The following ITGBL1 variants were observed in gnomAD, a reference collection of about 807,000 sequenced individuals.
ITGBL1 encodes integrin subunit beta like 1.
Under a neutral mutation model 68.5 loss-of-function variants are expected in ITGBL1, and 51 were observed. The observed-to-expected ratio is 0.74, with a 90% CI of 0.59 to 0.94. The LOEUF (loss-of-function observed/expected upper bound fraction) is 0.94. ITGBL1 is among the 40% of genes least tolerant of loss of function. ITGBL1 has a pLI of 0.00. For missense variants in ITGBL1, 649 were observed against 647.4 expected, an observed-to-expected ratio of 1.00 and a Z score of -0.03; for synonymous variants, 209 against 227.3, an observed-to-expected ratio of 0.92 and a Z score of 0.72.
chr13:101,496,616 A>G (rs1158802730), intron 2 of ITGBL1, among the ~76,000 whole-genome samples: 1 of 152,152 alleles, frequency 6.6e-6, no homozygotes, highest in Non-Finnish European at 1.5e-5. Flanking sequence ...ATCAGTATCA[A>G]TGGCCTTTGA....
intron 7 of ITGBL1, among the ~76,000 whole-genome samples, chr13:101,650,995 G>A (rs1415540926): frequency 6.6e-6 from 1 of 152,050 alleles, no homozygotes; most frequent in African/African-American, 2.4e-5. Context: ...TCCTTTTTAT[G>A]GCTGCATAGT....
intron 7 of ITGBL1, among the ~76,000 whole-genome samples, chr13:101,628,599 A>ATTTTTTTTTTT (rs34600896): frequency 7.1e-6 from 1 of 140,702 alleles, no homozygotes; most frequent in Non-Finnish European, 1.5e-5. Context: ...TACCCAGCTA[A>ATTTTTTTTTTT]TTTTTTTTTT....
intron 7 of ITGBL1, among the ~76,000 whole-genome samples, chr13:101,663,222 A>G (rs925965383): frequency 2.6e-5 from 4 of 152,218 alleles, no homozygotes; most frequent in Non-Finnish European, 5.9e-5. Context: ...AAATAATACC[A>G]TGATAGATGC....
At chr13:101,583,109 G>T in intron 5 of ITGBL1, 107 bp from the exon 6 acceptor site, 2 of 1,154,730 alleles carry the variant, frequency 1.7e-6, no homozygotes, top group South Asian at 1.3e-5. Flanking sequence ...GAATATATGT[G>T]TTTTTTTCAA....
At chr13:101,622,905 T>G (rs1472163211) in intron 7 of ITGBL1, among the ~76,000 whole-genome samples, 2 of 122,534 alleles carry the variant, frequency 1.6e-5, no homozygotes, top group African/African-American at 3.2e-5. Context: ...GATGTGTGTG[T>G]GGGGTATGTA....
intron 2 of ITGBL1, chr13:101,490,046 C>T (rs894516724): frequency 2.6e-5 from 30 of 1,159,256 alleles, no homozygotes; most frequent in Non-Finnish European, 3.5e-5. Context: ...TTGTTATGGA[C>T]TGAATATTTG....
chr13:101,562,730 C>G (rs891517704), intron 2 of ITGBL1, among the ~76,000 whole-genome samples: 8 of 151,898 alleles, frequency 5.3e-5, no homozygotes, highest in African/African-American at 1.9e-4. Flanking sequence ...TGTCAATACT[C>G]CTTTCTCATA....
At chr13:101,458,929 A>G (rs1488192652) in intron 2 of ITGBL1, among the ~76,000 whole-genome samples, 2 of 152,210 alleles carry the variant, frequency 1.3e-5, no homozygotes, top group Admixed American at 1.3e-4. Context: ...GAGAGGCAAT[A>G]AGAACAGAAT....
chr13:101,473,801 G>T (rs1594831252), intron 2 of ITGBL1, among the ~76,000 whole-genome samples: 1 of 152,170 alleles, frequency 6.6e-6, no homozygotes, highest in Admixed American at 6.5e-5. Context: ...CAATAAAATA[G>T]TGTACCAGAG....
chr13:101,567,982 A>G, intron 3 of ITGBL1, 137 bp downstream of exon 3: 1 of 687,292 alleles, frequency 1.5e-6, no homozygotes, highest in South Asian at 2.1e-5. Flanking sequence ...TGAAATTCAG[A>G]TAAATCAATA....
At chr13:101,656,076 T>A (rs1297901958) in intron 7 of ITGBL1, among the ~76,000 whole-genome samples, 2 of 152,164 alleles carry the variant, frequency 1.3e-5, no homozygotes, top group African/African-American at 4.8e-5. Context: ...GCTTCCTCGC[T>A]AAAGGTAAAT....
chr13:101,614,128 C>T (rs1188946944), intron 7 of ITGBL1, among the ~76,000 whole-genome samples: 1 of 152,044 alleles, frequency 6.6e-6, no homozygotes, highest in Non-Finnish European at 1.5e-5. Context: ...CCACCTTAGG[C>T]ACGTTTGAAT....
chr13:101,696,096 T>A (rs2033996262), intron 8 of ITGBL1, among the ~76,000 whole-genome samples: 1 of 145,526 alleles, frequency 6.9e-6, no homozygotes, highest in South Asian at 2.2e-4. Context: ...GCATATGGGC[T>A]GTGTTATCCC....
intron 2 of ITGBL1, among the ~76,000 whole-genome samples, chr13:101,520,062 C>G (rs1212573412): frequency 6.6e-6 from 1 of 152,086 alleles, no homozygotes; most frequent in Non-Finnish European, 1.5e-5. Context: ...CCTTGTGTTA[C>G]TAGTAATAAA....
intron 2 of ITGBL1, among the ~76,000 whole-genome samples, chr13:101,487,105 C>T (rs1017343047): frequency 6.6e-6 from 1 of 152,120 alleles, no homozygotes; most frequent in Non-Finnish European, 1.5e-5. Context: ...TCATTTGTTA[C>T]TATATCTTTG....
At position 101,583,244 on chromosome 13, in the gene ITGBL1, T is replaced by C. The variant is rs1287088161; in HGVS notation, c.756T>C (p.Cys252=). The part of the protein sequence containing the change: ...RGTCVCGECT[C]HDVDPTGDWG... ...CTTGTGTATGTGGTGAATGTACCTG[T>C]CACGATGTTGATCCGACTGGGGACT... Residue 252 remains cysteine, a synonymous_variant, in exon 6 of 11, where the codon TGT becomes TGC. Coordinates refer to ENST00000376180, the MANE Select transcript of ITGBL1 (RefSeq NM_004791.3). 6.2e-7 allele frequency: 1 copy of C among 1,613,886 alleles called. No homozygotes were observed. The highest frequency in any genetic ancestry group is 1.7e-5 in the Admixed American group (1 of 59,992).
chr13:101,714,304 C>T, intron 9 of ITGBL1, 134 bp from the exon 10 acceptor site: 1 of 661,204 alleles, frequency 1.5e-6, no homozygotes, highest in Middle Eastern at 4.1e-4. Context: ...TCTGAGAAAC[C>T]AGCCATTCAA....
rs368216574 is a variant in ITGBL1 at position 101,481,437 on chromosome 13, A to AT, written c.316+27339dup. ...AGAATGATGCTAGGCACATTGTGAT[A>AT]TTATAGAACTGACAGGAATTGGAGA... On this transcript the variant is annotated intron_variant, in intron 2 of 10. Coordinates refer to ENST00000376180, the MANE Select transcript of ITGBL1 (RefSeq NM_004791.3). Among the ~76,000 whole-genome samples, 643 of 152,200 alleles carry AT rather than the reference A, an allele frequency of 4.2e-3. 2 individuals are homozygous for AT. Among genetic ancestry groups the AT allele is most frequent in the Middle Eastern group, 0.014 (4 of 294 alleles).
Position 101,598,300 on chromosome 13 carries a change from G to T in ITGBL1, c.1015+1G>T, listed in dbSNP as rs754881004. On this transcript the variant is annotated splice_donor_variant, in intron 7 of 10. Transcript: ENST00000376180. LOFTEE classifies it high-confidence loss of function. The stretch of plus-strand genomic sequence containing the variant: ...TCGGATCTGCCTTGCTCTGGGAGGG[G>T]TAAGTGAGGTCTCTCAGGGCTTCCC... 6.2e-7 allele frequency: 1 copy of T among 1,600,788 alleles called. No homozygotes were observed. Among genetic ancestry groups the T allele is most frequent in the Non-Finnish European group, 8.5e-7 (1 of 1,174,256 alleles).
Sources: allele counts gnomAD v4.1 joint callset (sites outside exome capture counted in the v4.1 genomes callset), GRCh38; gene constraint gnomAD v4.1.1; transcripts MANE v1.5; gene names NCBI Gene and HGNC (gene_info 2026-07-23, HGNC 2026-07-21).